Variants in OLAH observed in about 807,000 individuals in gnomAD.
The protein encoded by OLAH is oleoyl-ACP hydrolase.
In OLAH, 33 loss-of-function variants were observed where a neutral mutation model predicts 27.8. The observed-to-expected ratio is 1.19, with a 90% CI of 0.90 to 1.59. The LOEUF is 1.59. Ranked by LOEUF, OLAH falls within the 40% of genes most tolerant of loss-of-function variation. OLAH has a pLI of 0.00. For synonymous variants in OLAH, 120 were observed against 102.9 expected, an observed-to-expected ratio of 1.17 and a Z score of -1.01; for missense variants, 359 against 310.8, an observed-to-expected ratio of 1.16 and a Z score of -1.17.
intron 6 of OLAH, among the ~76,000 whole-genome samples, chr10:15,070,230 G>A (rs899087902): frequency 6.6e-6 from 1 of 150,942 alleles, no homozygotes; most frequent in African/African-American, 2.4e-5. Context: ...GCAAATCCTT[G>A]CTGGGATTAC....
At chr10:15,066,329 A>G (rs1036773423) in intron 6 of OLAH, among the ~76,000 whole-genome samples, 6 of 152,066 alleles carry the variant, frequency 3.9e-5, no homozygotes, top group Non-Finnish European at 8.8e-5. Flanking sequence ...AACATAGTAA[A>G]TATCTGTTGA....
At chr10:15,037,696 T>C (rs1462634719) in intron 1 of OLAH, among the ~76,000 whole-genome samples, 1 of 152,142 alleles carries the variant, frequency 6.6e-6, no homozygotes, top group Non-Finnish European at 1.5e-5. Flanking sequence ...TCTTGTGAGC[T>C]ATCCACAGGC....
chr10:15,039,031 T>C (rs1041047012), upstream of OLAH, among the ~76,000 whole-genome samples: 2 of 152,120 alleles, frequency 1.3e-5, no homozygotes, highest in African/African-American at 4.8e-5. Context: ...GAGACCAGCC[T>C]GGGCAACATA....
chr10:15,070,400 A>C (rs1844560286), intron 6 of OLAH, among the ~76,000 whole-genome samples: 1 of 152,206 alleles, frequency 6.6e-6, no homozygotes, highest in Admixed American at 6.5e-5. Context: ...AACTAGACTT[A>C]TACCTGCATA....
At chr10:15,051,075 A>ATTT (rs1171804568) in intron 3 of OLAH, among the ~76,000 whole-genome samples, 9 of 58,034 alleles carry the variant, frequency 1.6e-4, no homozygotes, top group African/African-American at 8.1e-4. Context: ...TATTATTATT[A>ATTT]TTATTTTTTT....
chr10:15,069,349 T>C (rs1339562298), intron 6 of OLAH, among the ~76,000 whole-genome samples: 1 of 152,138 alleles, frequency 6.6e-6, no homozygotes, highest in African/African-American at 2.4e-5. Context: ...TTATCCTCCC[T>C]GCAGCAGCCA....
intron 2 of OLAH, among the ~76,000 whole-genome samples, chr10:15,048,128 G>A (rs899256459): frequency 5.3e-5 from 8 of 152,180 alleles, no homozygotes; most frequent in African/African-American, 1.7e-4. Flanking sequence ...GTACAGATAG[G>A]ATGACTTTTT....
rs374519484 is a variant in OLAH, at chr10:15,053,165, G to C, written c.163+3400G>C. ...ATTTCAGGGAATGTTACAGTAGGTAGTTAGACATAAACAAGGCAGGAGAGG... is the reference window on the plus strand; with the variant it reads ...ATTTCAGGGAATGTTACAGTAGGTACTTAGACATAAACAAGGCAGGAGAGG... On this transcript the variant is annotated intron_variant, in intron 3 of 7. Coordinates refer to ENST00000378228, the MANE Select transcript of OLAH (RefSeq NM_001039702.3). Among the ~76,000 whole-genome samples, 3 of 152,216 alleles carry C rather than the reference G, an allele frequency of 2.0e-5. No individual in the cohort carries two copies. In the South Asian group the frequency reaches 6.2e-4, roughly 32 times the overall value.
intron 3 of OLAH, among the ~76,000 whole-genome samples, chr10:15,059,635 G>A (rs1236655992): frequency 6.6e-6 from 1 of 152,016 alleles, no homozygotes; most frequent in African/African-American, 2.4e-5. Context: ...GTGAAACCCC[G>A]TCTCTACTAA....
chr10:15,036,527 TG>T (rs1843843042), intron 1 of OLAH, among the ~76,000 whole-genome samples: 1 of 152,090 alleles, frequency 6.6e-6, no homozygotes, highest in South Asian at 2.1e-4. Context: ...ATCTCACTCT[TG>T]CCCATGCTGG....
At chr10:15,063,077 T>C (rs1844400187) in intron 4 of OLAH, among the ~76,000 whole-genome samples, 1 of 152,174 alleles carries the variant, frequency 6.6e-6, no homozygotes, top group Non-Finnish European at 1.5e-5. Context: ...ATAAATCTCC[T>C]ATCAGTTTTT....
chr10:15,065,796 A>G, intron 6 of OLAH, 43 bp downstream of exon 6: 1 of 1,542,782 alleles, frequency 6.5e-7, no homozygotes, highest in Non-Finnish European at 8.8e-7. Flanking sequence ...TGGTACAATT[A>G]TTTGTAGAAA....
At chr10:15,044,600 A>G (rs1843980374) in intron 1 of OLAH, among the ~76,000 whole-genome samples, 1 of 151,946 alleles carries the variant, frequency 6.6e-6, no homozygotes, top group Non-Finnish European at 1.5e-5. Flanking sequence ...TGCTCAAAGT[A>G]TATCCTTTAA....
chr10:15,044,067 T>G (rs1036995602), intron 1 of OLAH, 81 bp downstream of exon 1: 8 of 152,196 alleles, frequency 5.3e-5, no homozygotes, highest in Non-Finnish European at 8.8e-5. Flanking sequence ...CAGCCTATAG[T>G]TGGATTATCT....
At position 15,049,701 on chromosome 10, in the gene OLAH, C is replaced by G; in HGVS notation, c.99C>G (p.Pro33=). 1.2e-6 allele frequency: 2 copies of G among 1,610,364 alleles called. No individual in the cohort carries two copies. Among genetic ancestry groups the G allele is most frequent in the Non-Finnish European group, 1.7e-6 (2 of 1,179,064 alleles). ...CAACTTTTAAGCTGATTTGCTTTCC[C>G]TGGATGGGAGGTGGCTCCACTCATT... The part of the protein sequence containing the change: ...PEATFKLICF[P]WMGGGSTHFA... The change falls in exon 3 of 8, where the codon CCC becomes CCG. Residue 33 remains proline, a synonymous_variant. Coordinates refer to ENST00000378228, the MANE Select transcript of OLAH (RefSeq NM_001039702.3).
chr10:15,056,041 G>A (rs1564530383), intron 3 of OLAH, among the ~76,000 whole-genome samples: 1 of 151,978 alleles, frequency 6.6e-6, no homozygotes, highest in Non-Finnish European at 1.5e-5. Flanking sequence ...GTAGAGACAG[G>A]ATTTCACCAT....
intron 7 of OLAH, among the ~76,000 whole-genome samples, chr10:15,072,720 C>T (rs943941258): frequency 8.7e-5 from 13 of 150,114 alleles, no homozygotes; most frequent in Non-Finnish European, 1.3e-4. Context: ...TTCTGGCGGC[C>T]GGAAGCAAGG....
intron 2 of OLAH, 114 bp from the exon 3 acceptor site, chr10:15,049,521 T>G: frequency 1.4e-6 from 1 of 725,906 alleles, no homozygotes; most frequent in Non-Finnish European, 2.1e-6. Flanking sequence ...TCACTTTATA[T>G]ATGAACATAT....
At position 15,065,698 on chromosome 10, in the gene OLAH, G is replaced by C; in HGVS notation, c.517G>C (p.Val173Leu). ...PKHFAEAKEF[V>L]KQCSPIIRAD... Reference sequence around the variant, plus strand: ...GCATTTTGCTGAAGCCAAGGAATTTGTGAAACAATGTAGTCCCATCATAAG... The same window carrying C: ...GCATTTTGCTGAAGCCAAGGAATTTCTGAAACAATGTAGTCCCATCATAAG... The change falls in exon 6 of 8, where the codon GTG becomes CTG. Residue 173 changes from valine (V) to leucine (L), a missense_variant. Physicochemically the swap from Val to Leu is conservative, Grantham distance 32. Transcript: ENST00000378228. The C allele has an allele frequency of 2.5e-6, 4 of 1,614,154 alleles. No individual in the cohort carries two copies. Among genetic ancestry groups the C allele is most frequent in the Middle Eastern group, 1.6e-4 (1 of 6,062 alleles).
Sources: gnomAD v4.1 joint callset for allele counts (sites outside exome capture counted in the v4.1 genomes callset) on GRCh38, gnomAD v4.1.1 for gene constraint, MANE v1.5 for transcripts, NCBI Gene and HGNC (gene_info 2026-07-23, HGNC 2026-07-21) for gene names.